The following OSER1 variants were observed in gnomAD, a reference collection of about 807,000 sequenced individuals.
OSER1 encodes oxidative stress responsive serine rich 1, also known as oxidative stress-responsive serine-rich protein 1.
Under a neutral mutation model 26.3 loss-of-function variants are expected in OSER1, and 15 were observed. That is an observed-to-expected ratio of 0.57 (90% confidence interval 0.38 to 0.88). OSER1 has a LOEUF of 0.88. OSER1 is among the 40% of genes least tolerant of loss of function. The probability of loss-of-function intolerance (pLI) is 0.00; values close to 1 mark genes in which losing one functional copy is unlikely to be tolerated. For missense variants in OSER1, 313 were observed against 353.9 expected (o/e 0.88, Z 0.93); for synonymous variants, 127 against 128.2 (o/e 0.99, Z 0.07).
chr20:44,203,193 CA>C, intron 2 of OSER1, 119 bp from the exon 3 acceptor site: 1 of 548,634 alleles, frequency 1.8e-6, no homozygotes, highest in Non-Finnish European at 3.2e-6. Context: ...TTGGGTTTCT[CA>C]AAAATTGCTC....
At chr20:44,209,539 T>C (rs952135098) in intron 1 of OSER1, among the ~76,000 whole-genome samples, 6 of 152,318 alleles carry the variant, frequency 3.9e-5, no homozygotes, top group South Asian at 2.1e-4. Context: ...AGTCTTGGCG[T>C]TTTCACTGCA....
At chr20:44,209,296 A>G (rs920675371) in intron 1 of OSER1, among the ~76,000 whole-genome samples, 12 of 152,156 alleles carry the variant, frequency 7.9e-5, no homozygotes, top group African/African-American at 2.7e-4. Context: ...CCATTTTCAG[A>G]CTTCCAGCAT....
chr20:44,204,559 G>A (rs987968450), intron 2 of OSER1, among the ~76,000 whole-genome samples: 1 of 151,990 alleles, frequency 6.6e-6, no homozygotes, highest in African/African-American at 2.4e-5. Context: ...GATACAGGTG[G>A]TACATACACA....
At position 44,203,088 on chromosome 20, in the gene OSER1, C is replaced by CAGG; in HGVS notation, c.78-15_78-14insCCT. The stretch of plus-strand genomic sequence containing the variant: ...GATGCTACAGACCTGAAGACAAGAA[C>CAGG]AAAGTTTACAGCTACAAAAAACTGT... On this transcript the variant is annotated splice_polypyrimidine_tract_variant and intron_variant, in intron 2 of 3. Transcript: ENST00000255174. 1 of 1,401,246 alleles carries CAGG rather than the reference C, an allele frequency of 7.1e-7. No individual in the cohort carries two copies. Among genetic ancestry groups the CAGG allele is most frequent in the East Asian group, 2.3e-5 (1 of 43,878 alleles). 86.8% of individuals were successfully genotyped at this position (1,401,246 alleles called of 1,614,324 possible). A position where few individuals can be genotyped will look rare whatever the true frequency, so the allele number is the denominator to read the frequency against.
chr20:44,210,969 A>G (rs2073101162), upstream of OSER1: 1 of 152,132 alleles, frequency 6.6e-6, no homozygotes, highest in Non-Finnish European at 1.5e-5. Context: ...CCTCAGAAGC[A>G]CGTGCGCCTT....
At chr20:44,208,351 G>A (rs2073059948) in intron 1 of OSER1, among the ~76,000 whole-genome samples, 1 of 150,706 alleles carries the variant, frequency 6.6e-6, no homozygotes, top group African/African-American at 2.5e-5. Context: ...TTACTTATTT[G>A]CGGAAGTTAA....
rs557862280 is a variant in OSER1, at chr20:44,196,090, A to G, written c.*962T>C. 6.6e-6 allele frequency among the ~76,000 whole-genome samples: 1 copy of G among 152,280 alleles called. No individual in the cohort carries two copies. Among genetic ancestry groups the G allele is most frequent in the Admixed American group, 6.5e-5 (1 of 15,296 alleles). ...CATTCTTTTTGGAGCCACCTGAAAA[A>G]CAAGGATTCATCATCCAGCTGAAAC... On this transcript the variant is annotated 3_prime_UTR_variant, in exon 4 of 4. Coordinates refer to ENST00000255174, the MANE Select transcript of OSER1 (RefSeq NM_016470.8).
At position 44,197,639 on chromosome 20, in the gene OSER1, T is replaced by C; in HGVS notation, c.292A>G (p.Ile98Val). ...HPPKFIHCST[I>V]ASSSSSQLKH... is the part of the protein sequence containing the mutation. ...AGTTGACTGCTGGAAGAAGACGCTATTGTACTGCAATGTATAAACTTTGGA... is the reference window on the plus strand; with the variant it reads ...AGTTGACTGCTGGAAGAAGACGCTACTGTACTGCAATGTATAAACTTTGGA... The change falls in exon 4 of 4, where the codon ATA (isoleucine) becomes GTA (valine). Residue 98 changes from isoleucine to valine, a missense_variant. Coordinates refer to ENST00000255174, the MANE Select transcript of OSER1 (RefSeq NM_016470.8). 1 of 1,614,050 alleles carries C rather than the reference T, an allele frequency of 6.2e-7. No individual in the cohort carries two copies. The highest frequency in any genetic ancestry group is 8.5e-7 in the Non-Finnish European group (1 of 1,179,896).
chr20:44,197,287 T>C lies in OSER1; in HGVS notation c.644A>G (p.Tyr215Cys). The C allele has an allele frequency of 6.2e-7, 1 of 1,614,028 alleles. No individual in the cohort carries two copies. Among genetic ancestry groups the C allele is most frequent in the Non-Finnish European group, 8.5e-7 (1 of 1,179,844 alleles). Residue 215 changes from tyrosine (Y) to cysteine (C), a missense_variant, in exon 4 of 4, where the codon TAT (tyrosine) becomes TGT (cysteine). Transcript: ENST00000255174. ...QCKRWHDMEV[Y>C]SFSGLQSVPP... The stretch of plus-strand genomic sequence containing the variant: ...GACACTCTGCAGGCCTGAAAAGGAA[T>C]ACACTTCCATATCATGCCATCTCTT...
intron 1 of OSER1, among the ~76,000 whole-genome samples, chr20:44,208,108 G>GCCCCCCCCCCCCCCC (rs71959463): frequency 4.1e-5 from 4 of 97,850 alleles, no homozygotes; most frequent in Admixed American, 1.2e-4. Context: ...GCCTTTACCC[G>GCCCCCCCCCCCCCCC]CCCCCCCCCG....
rs766381497 is a variant in OSER1 at position 44,202,989 on chromosome 20, T to G, written c.163A>C (p.Thr55Pro). Reference protein sequence around the residue: ...TATDDTKPKTTCASKDSWHGS... With the variant: ...TATDDTKPKTPCASKDSWHGS... ...TGCCAACTGTCTTTAGATGCACATG[T>G]GGTTTTAGGTTTGGTATCATCTGTT... The change falls in exon 3 of 4, where the codon ACA becomes CCA. Residue 55 changes from threonine (T) to proline (P), a missense_variant. Thr to Pro is a conservative substitution (Grantham distance 38). Transcript: ENST00000255174. 54 of 1,610,910 alleles carry G rather than the reference T, an allele frequency of 3.4e-5. No homozygotes were observed. The highest frequency in any genetic ancestry group is 4.6e-5 in the Non-Finnish European group (54 of 1,177,056).
At position 44,197,007 on chromosome 20, in the gene OSER1, G is replaced by A; in HGVS notation, c.*45C>T. ...GGTCTGCCATTAACTAAATCTCTTT[G>A]ACAAGCCTTCATTGGTTTAAAGCAT... On this transcript the variant is annotated 3_prime_UTR_variant, in exon 4 of 4. Coordinates refer to ENST00000255174, the MANE Select transcript of OSER1 (RefSeq NM_016470.8). The A allele has an allele frequency of 1.4e-6, 2 of 1,382,244 alleles. No individual in the cohort carries two copies. Among genetic ancestry groups the A allele is most frequent in the Non-Finnish European group, 2.0e-6 (2 of 980,324 alleles). 85.6% of individuals were successfully genotyped at this position (1,382,244 alleles called of 1,614,324 possible). A position where few individuals can be genotyped will look rare whatever the true frequency, so the allele number is the denominator to read the frequency against.
chr20:44,198,475 C>T (rs956827942), intron 3 of OSER1, among the ~76,000 whole-genome samples: 12 of 151,888 alleles, frequency 7.9e-5, no homozygotes, highest in Non-Finnish European at 1.5e-4. Context: ...AAAAATTAGC[C>T]GGGCGTGGTG....
At chr20:44,208,272 A>G (rs1358785138) in intron 1 of OSER1, among the ~76,000 whole-genome samples, 1 of 152,124 alleles carries the variant, frequency 6.6e-6, no homozygotes, top group Non-Finnish European at 1.5e-5. Flanking sequence ...AATGTTTGAT[A>G]TAAAGTAACC....
chr20:44,210,127 T>C (rs937430837), intron 1 of OSER1: 2 of 152,280 alleles, frequency 1.3e-5, no homozygotes, highest in African/African-American at 4.8e-5. Flanking sequence ...CGGAGGAAAA[T>C]TCCTAGTCAG....
rs1309381893 is a variant in OSER1, at chr20:44,196,099, C to A, written c.*953G>T. On this transcript the variant is annotated 3_prime_UTR_variant, in exon 4 of 4. Transcript: ENST00000255174. Reference sequence around the variant, plus strand: ...TGGAGCCACCTGAAAAACAAGGATTCATCATCCAGCTGAAACCGAAGACAG... The same window carrying A: ...TGGAGCCACCTGAAAAACAAGGATTAATCATCCAGCTGAAACCGAAGACAG... Among the ~76,000 whole-genome samples the A allele has an allele frequency of 6.6e-6, 1 of 152,104 alleles. No individual in the cohort carries two copies. The highest frequency in any genetic ancestry group is 2.4e-5 in the African/African-American group (1 of 41,420).
intron 1 of OSER1, among the ~76,000 whole-genome samples, chr20:44,208,450 C>T (rs2073061955): frequency 1.3e-5 from 2 of 148,564 alleles, no homozygotes; most frequent in African/African-American, 5.1e-5. Flanking sequence ...TTCAGCCAGC[C>T]TGCACCTCAA....
At chr20:44,201,925 A>G (rs2072986352) in intron 3 of OSER1, among the ~76,000 whole-genome samples, 1 of 152,244 alleles carries the variant, frequency 6.6e-6, no homozygotes, top group Admixed American at 6.5e-5. Context: ...AAATGACAGA[A>G]TCACTTCTGA....
At chr20:44,208,840 C>G (rs1050916218) in intron 1 of OSER1, among the ~76,000 whole-genome samples, 5 of 152,178 alleles carry the variant, frequency 3.3e-5, no homozygotes, top group African/African-American at 1.2e-4. Flanking sequence ...CTCCCCAACC[C>G]GCAGACCGCC....
Sources: gnomAD v4.1 joint callset for allele counts (sites outside exome capture counted in the v4.1 genomes callset) on GRCh38, gnomAD v4.1.1 for gene constraint, MANE v1.5 for transcripts, NCBI Gene and HGNC (gene_info 2026-07-23, HGNC 2026-07-21) for gene names.